Variants in SMOC2 observed in about 807,000 individuals in gnomAD.
SMOC2 encodes the protein SPARC-related modular calcium-binding protein 2.
In SMOC2, 39 loss-of-function variants were observed where a neutral mutation model predicts 61.4. The observed-to-expected ratio is 0.64, with a 90% confidence interval of 0.49 to 0.83. The LOEUF (loss-of-function observed/expected upper bound fraction) is 0.83, where lower values mean the gene tolerates loss of function less well. Ranked by LOEUF, SMOC2 falls within the 40% of genes least tolerant of loss-of-function variation. The probability of loss-of-function intolerance (pLI) is 0.00; values close to 1 mark genes in which losing one functional copy is unlikely to be tolerated. For synonymous variants in SMOC2, 247 were observed against 239.9 expected, an observed-to-expected ratio of 1.03 and a Z score of -0.27; for missense variants, 556 against 592.9, an observed-to-expected ratio of 0.94 and a Z score of 0.65.
At chr6:168,545,526 G>C (rs1272255487) in intron 5 of SMOC2, among the ~76,000 whole-genome samples, 1 of 152,258 alleles carries the variant, frequency 6.6e-6, no homozygotes, top group East Asian at 1.9e-4. Context: ...CACCCCGTCT[G>C]TGAGGGACGG....
chr6:168,618,813 G>T (rs554283296), intron 9 of SMOC2, among the ~76,000 whole-genome samples: 1 of 152,270 alleles, frequency 6.6e-6, no homozygotes, highest in African/African-American at 2.4e-5. Flanking sequence ...GGCTCTCGAC[G>T]CAGCAGGCAC....
Position 168,452,370 on chromosome 6 carries a change from G to T in SMOC2, c.84+10916G>T, listed in dbSNP as rs1039217077. 6.6e-6 allele frequency among the ~76,000 whole-genome samples: 1 copy of T among 152,186 alleles called. No individual in the cohort carries two copies. Among genetic ancestry groups the T allele is most frequent in the African/African-American group, 2.4e-5 (1 of 41,444 alleles). Reference sequence around the variant, plus strand: ...TTTTAAAATAACCAGAGTAAGCAGGGGGAGTGTGAGGCGGGCTGCCTGCCT... The same window carrying T: ...TTTTAAAATAACCAGAGTAAGCAGGTGGAGTGTGAGGCGGGCTGCCTGCCT... On this transcript the variant is annotated intron_variant, in intron 1 of 12. Transcript: ENST00000356284. The surrounding 1 kb of genome is among the most constrained non-coding windows in gnomAD (Gnocchi z 5.0).
chr6:168,472,795 A>T (rs1007135014), intron 1 of SMOC2, among the ~76,000 whole-genome samples: 1 of 152,118 alleles, frequency 6.6e-6, no homozygotes, highest in Non-Finnish European at 1.5e-5. Context: ...TTTTCTTTTC[A>T]TATTTTACTA....
At chr6:168,476,173 G>GC (rs1782078683) in intron 1 of SMOC2, among the ~76,000 whole-genome samples, 2 of 152,076 alleles carry the variant, frequency 1.3e-5, no homozygotes, top group Admixed American at 6.5e-5. Context: ...AAATACATGA[G>GC]AGTCTTGGCT....
chr6:168,482,387 A>G (rs185206937), intron 1 of SMOC2, among the ~76,000 whole-genome samples: 19 of 68,650 alleles, frequency 2.8e-4, no homozygotes, highest in African/African-American at 1.5e-3. Flanking sequence ...AACTCTAAGT[A>G]AATTTATAAC....
intron 10 of SMOC2, among the ~76,000 whole-genome samples, chr6:168,652,041 CAAAAAAA>C (rs34341178): frequency 7.7e-6 from 1 of 129,080 alleles, no homozygotes; most frequent in Non-Finnish European, 1.6e-5. Context: ...AACTCTGTCT[CAAAAAAA>C]AAAAAAAAAA....
At chr6:168,559,749 A>G (rs1784352377) in intron 7 of SMOC2, among the ~76,000 whole-genome samples, 1 of 152,104 alleles carries the variant, frequency 6.6e-6, no homozygotes, top group African/African-American at 2.4e-5. Flanking sequence ...GCTGTGAGCA[A>G]TTAACGATTT....
chr6:168,653,416 C>A (rs1319075087), intron 11 of SMOC2, among the ~76,000 whole-genome samples, 188 bp downstream of exon 11: 1 of 152,258 alleles, frequency 6.6e-6, no homozygotes, highest in South Asian at 2.1e-4. Flanking sequence ...TCACATGCCA[C>A]TTGCCCAGGA....
chr6:168,653,104 A>G lies in SMOC2; in HGVS notation c.1161A>G (p.Lys387=). The G allele has an allele frequency of 1.9e-6, 3 of 1,614,204 alleles. No homozygotes were observed. The highest frequency in any genetic ancestry group is 2.5e-6 in the Non-Finnish European group (3 of 1,180,034). ...TTCGCAAAAAATCAAAGCCCAAAAA[A>G]TGTGTGAAGAAGTTTGTTGAATACT... The part of the protein sequence containing the change: ...RFLRKKSKPK[K]CVKKFVEYCD... Residue 387 remains lysine, a synonymous_variant, in exon 11 of 13, where the codon AAA becomes AAG. Coordinates refer to ENST00000356284, the MANE Select transcript of SMOC2 (RefSeq NM_001166412.2).
chr6:168,628,810 C>T lies in SMOC2; in HGVS notation c.907+20571C>T, dbSNP rs560586932. Among the ~76,000 whole-genome samples the T allele has an allele frequency of 2.5e-3, 374 of 152,366 alleles. 1 individual carries two copies. The highest frequency in any genetic ancestry group is 8.0e-3 in the African/African-American group (332 of 41,592). ...TCAGTCCCTTGGCCCTGCCTTTGAGCGTGGTGCCCCGCCGGAGAATGAACT... is the reference window on the plus strand; with the variant it reads ...TCAGTCCCTTGGCCCTGCCTTTGAGTGTGGTGCCCCGCCGGAGAATGAACT... On this transcript the variant is annotated intron_variant, in intron 9 of 12. Transcript: ENST00000356284.
At chr6:168,652,304 T>C (rs1297225297) in intron 10 of SMOC2, among the ~76,000 whole-genome samples, 2 of 152,154 alleles carry the variant, frequency 1.3e-5, no homozygotes, top group Admixed American at 6.5e-5. Flanking sequence ...GGTGTTCTCA[T>C]ACCTGGGAAT....
At chr6:168,565,006 G>A (rs1048220580) in intron 7 of SMOC2, among the ~76,000 whole-genome samples, 1 of 152,178 alleles carries the variant, frequency 6.6e-6, no homozygotes. Flanking sequence ...GAATGGGGAA[G>A]AATAAAAGGC....
At chr6:168,552,491 A>G (rs1784149742) in intron 7 of SMOC2, among the ~76,000 whole-genome samples, 1 of 152,146 alleles carries the variant, frequency 6.6e-6, no homozygotes, top group Non-Finnish European at 1.5e-5. Context: ...GTTTCTTTAT[A>G]TCAGATAAAA....
intron 7 of SMOC2, among the ~76,000 whole-genome samples, chr6:168,592,650 G>T (rs71536609): frequency 3.0e-5 from 4 of 133,626 alleles, no homozygotes; most frequent in East Asian, 2.2e-4. Flanking sequence ...CTAGAGGATC[G>T]CTGAGCTCCT....
At chr6:168,461,353 A>C (rs957758279) in intron 1 of SMOC2, among the ~76,000 whole-genome samples, 3 of 152,222 alleles carry the variant, frequency 2.0e-5, no homozygotes, top group African/African-American at 7.2e-5. Flanking sequence ...CACAGAGCCA[A>C]ACCATATTAA....
chr6:168,597,254 G>A (rs1429665459), intron 7 of SMOC2, among the ~76,000 whole-genome samples: 1 of 152,136 alleles, frequency 6.6e-6, no homozygotes, highest in African/African-American at 2.4e-5. Flanking sequence ...AGTCAGTAAT[G>A]GACTAATCAT....
intron 9 of SMOC2, among the ~76,000 whole-genome samples, chr6:168,637,294 G>A (rs1008471781): frequency 9.2e-5 from 14 of 152,086 alleles, no homozygotes; most frequent in African/African-American, 2.4e-4. Context: ...CAGGGTGGCC[G>A]CGGCCTTCTT....
chr6:168,607,982 C>G (rs538563123), intron 8 of SMOC2, among the ~76,000 whole-genome samples, 175 bp from the exon 9 acceptor site: 1 of 152,290 alleles, frequency 6.6e-6, no homozygotes, highest in African/African-American at 2.4e-5. Context: ...GCTTTCTATG[C>G]CAAATATCCA....
chr6:168,458,389 C>T (rs1244956769), intron 1 of SMOC2, among the ~76,000 whole-genome samples: 2 of 152,182 alleles, frequency 1.3e-5, no homozygotes, highest in African/African-American at 4.8e-5. Flanking sequence ...GGGCATCATG[C>T]TGCCTGCCCT....
Sources: gnomAD v4.1 joint callset for allele counts (sites outside exome capture counted in the v4.1 genomes callset) on GRCh38, gnomAD v4.1.1 for gene constraint, Gnocchi (gnomAD v3.1) non-coding constraint, MANE v1.5 for transcripts, NCBI Gene and HGNC (gene_info 2026-07-23, HGNC 2026-07-21) for gene names.